Variants in MED26 observed in about 807,000 individuals in gnomAD.
The protein encoded by MED26 is mediator complex subunit 26.
Under a neutral mutation model 43.7 loss-of-function variants are expected in MED26, and 7 were observed. That is an observed-to-expected ratio of 0.16 (90% CI 0.09 to 0.30). MED26 has a LOEUF of 0.30. Among genes scored for constraint, MED26 ranks in the 10% least tolerant of loss-of-function variants. MED26 has a pLI of 1.00. For missense variants in MED26, 784 were observed against 840.6 expected (o/e 0.93, Z 0.83); for synonymous variants, 375 against 371.1 (o/e 1.01, Z -0.12).
intron 1 of MED26, among the ~76,000 whole-genome samples, chr19:16,625,696 G>A (rs1261979107): frequency 6.6e-6 from 1 of 152,172 alleles, no homozygotes; most frequent in Admixed American, 6.5e-5. Context: ...TGATCCAAGA[G>A]AAACTGCAGA....
At chr19:16,606,163 T>TG (rs1392878353) in intron 1 of MED26, among the ~76,000 whole-genome samples, 1 of 152,194 alleles carries the variant, frequency 6.6e-6, no homozygotes, top group Non-Finnish European at 1.5e-5. Flanking sequence ...AGACAGGCCC[T>TG]GTGGCCAGCA....
At chr19:16,617,180 CA>C (rs1261344381) in intron 1 of MED26, among the ~76,000 whole-genome samples, 2 of 152,194 alleles carry the variant, frequency 1.3e-5, no homozygotes, top group African/African-American at 4.8e-5. Context: ...AGGCAATGCA[CA>C]AGTCTTCCAC....
chr19:16,581,127 C>T (rs1003794369), intron 1 of MED26, among the ~76,000 whole-genome samples: 3 of 152,216 alleles, frequency 2.0e-5, no homozygotes, highest in Non-Finnish European at 4.4e-5. Context: ...AGAGCCACGA[C>T]AGCAGTCCCC....
intron 1 of MED26, among the ~76,000 whole-genome samples, chr19:16,608,961 T>C (rs2122435787): frequency 6.6e-6 from 1 of 152,332 alleles, no homozygotes; most frequent in African/African-American, 2.4e-5. Context: ...ATTCTTATAG[T>C]ACAGGTATTT....
intron 1 of MED26, among the ~76,000 whole-genome samples, chr19:16,599,759 G>A (rs536575779): frequency 3.3e-5 from 5 of 152,170 alleles, no homozygotes; most frequent in African/African-American, 1.2e-4. Flanking sequence ...CTGGAACTGG[G>A]GTTCCTCTGT....
Position 16,576,897 on chromosome 19 carries a change from C to G in MED26, c.933G>C (p.Gln311His), listed in dbSNP as rs1448851517. 6.2e-7 allele frequency: 1 copy of G among 1,605,924 alleles called. No individual in the cohort carries two copies. Among genetic ancestry groups the G allele is most frequent in the South Asian group, 1.1e-5 (1 of 90,118 alleles). ...SPRPQALDAT[Q>H]VPSPLPLAQP... Reference sequence around the variant, plus strand: ...GTGCCAGTGGAAGCGGTGACGGCACCTGTGTGGCATCGAGTGCCTGGGGCC... The same window carrying G: ...GTGCCAGTGGAAGCGGTGACGGCACGTGTGTGGCATCGAGTGCCTGGGGCC... Residue 311 changes from glutamine (Q) to histidine (H), a missense_variant, in exon 3 of 3, where the codon CAG becomes CAC. Coordinates refer to ENST00000263390, the MANE Select transcript of MED26 (RefSeq NM_004831.5). The surrounding 1 kb of genome is among the most constrained non-coding windows in gnomAD (Gnocchi z 6.8).
chr19:16,577,563 C>T lies in MED26; in HGVS notation c.267G>A (p.Gln89=). The T allele has an allele frequency of 6.2e-7, 1 of 1,609,766 alleles. No homozygotes were observed. The highest frequency in any genetic ancestry group is 8.5e-7 in the Non-Finnish European group (1 of 1,177,134). ...SWQKLIEPAH[Q]HEAALRGLAG... The stretch of plus-strand genomic sequence containing the variant: ...CCAGCCCCCGCAGCGCCGCCTCATG[C>T]TGGTGTGCCGGCTCGATGAGCTTCT... Residue 89 remains glutamine (Q), a synonymous_variant, in exon 3 of 3, where the codon CAG becomes CAA. Coordinates refer to ENST00000263390, the MANE Select transcript of MED26 (RefSeq NM_004831.5). The surrounding 1 kb of genome is among the most constrained non-coding windows in gnomAD (Gnocchi z 8.1).
At chr19:16,596,851 T>C (rs2086122173) in intron 1 of MED26, among the ~76,000 whole-genome samples, 1 of 152,224 alleles carries the variant, frequency 6.6e-6, no homozygotes, top group South Asian at 2.1e-4. Context: ...ATCTGCTGGC[T>C]TCCCAGCCTG....
chr19:16,596,014 C>A (rs1333677161), intron 1 of MED26, among the ~76,000 whole-genome samples: 3 of 152,098 alleles, frequency 2.0e-5, no homozygotes, highest in Non-Finnish European at 4.4e-5. Flanking sequence ...CAACTTTTTT[C>A]TTTTTGTTTT....
chr19:16,611,081 T>C (rs1213103182), intron 1 of MED26: 2 of 152,210 alleles, frequency 1.3e-5, no homozygotes, highest in Non-Finnish European at 2.9e-5. Flanking sequence ...CTTATCGGTA[T>C]GGAAGGGACA....
intron 1 of MED26, among the ~76,000 whole-genome samples, chr19:16,621,459 C>G (rs1288770712): frequency 6.6e-6 from 1 of 152,142 alleles, no homozygotes; most frequent in Non-Finnish European, 1.5e-5. Flanking sequence ...TGATGAGCCC[C>G]CTGACGTTTT....
intron 1 of MED26, among the ~76,000 whole-genome samples, chr19:16,595,976 A>G (rs2086118372): frequency 6.6e-6 from 1 of 152,306 alleles, no homozygotes; most frequent in Non-Finnish European, 1.5e-5. Context: ...AGAGAGTTCA[A>G]ATACTGTCAT....
chr19:16,624,981 T>C (rs1389543596), intron 1 of MED26, among the ~76,000 whole-genome samples: 1 of 152,148 alleles, frequency 6.6e-6, no homozygotes, highest in Non-Finnish European at 1.5e-5. Context: ...GGGAACCGAA[T>C]CACCTGCTGA....
At chr19:16,609,540 T>C (rs2122437210) in intron 1 of MED26, among the ~76,000 whole-genome samples, 1 of 152,238 alleles carries the variant, frequency 6.6e-6, no homozygotes, top group East Asian at 1.9e-4. Context: ...TACATGCATA[T>C]TTACATATGT....
intron 1 of MED26, among the ~76,000 whole-genome samples, chr19:16,600,523 G>A (rs1455928799): frequency 3.3e-5 from 5 of 152,048 alleles, no homozygotes; most frequent in Non-Finnish European, 7.4e-5. Flanking sequence ...AGACCCCAGA[G>A]GCCCTGTGAG....
intron 1 of MED26, among the ~76,000 whole-genome samples, chr19:16,625,831 G>C (rs1470723934): frequency 6.6e-6 from 1 of 152,182 alleles, no homozygotes; most frequent in Non-Finnish European, 1.5e-5. Flanking sequence ...ACAGCGCTCA[G>C]AGGGTCAATC....
intron 1 of MED26, among the ~76,000 whole-genome samples, chr19:16,580,062 G>T (rs2086036988): frequency 6.6e-6 from 1 of 152,222 alleles, no homozygotes; most frequent in Admixed American, 6.5e-5. Context: ...ACCGACGGCA[G>T]TGACAGACCT....
At chr19:16,580,176 A>G (rs2122382036) in intron 1 of MED26, among the ~76,000 whole-genome samples, 1 of 152,350 alleles carries the variant, frequency 6.6e-6, no homozygotes, top group South Asian at 2.1e-4. Flanking sequence ...CATTCCCACC[A>G]GGCCACATCC....
chr19:16,584,305 C>A (rs1292410420), intron 1 of MED26, among the ~76,000 whole-genome samples: 1 of 121,576 alleles, frequency 8.2e-6, no homozygotes, highest in Non-Finnish European at 1.7e-5. Context: ...CCCCCCCCCG[C>A]CCCGCCAAAA....
Sources: allele counts gnomAD v4.1 joint callset (sites outside exome capture counted in the v4.1 genomes callset), GRCh38; gene constraint gnomAD v4.1.1; non-coding constraint Gnocchi (gnomAD v3.1); transcripts MANE v1.5; gene names NCBI Gene and HGNC (gene_info 2026-07-23, HGNC 2026-07-21).